SMAD1: variants seen among roughly 807,000 people sequenced by gnomAD.
SMAD1 encodes the protein MAD, mothers against decapentaplegic homolog 1.
SMAD1 carries 6 observed loss-of-function variants against 41.6 expected under a neutral mutation model. The ratio of observed to expected loss-of-function variants is 0.14; its 90% confidence interval spans 0.08 to 0.28. The LOEUF is 0.28. SMAD1 is among the 10% of genes least tolerant of loss of function. The pLI is 1.00. For synonymous variants in SMAD1, 206 were observed against 203.2 expected, an observed-to-expected ratio of 1.01 and a Z score of -0.12; for missense variants, 379 against 582.6, an observed-to-expected ratio of 0.65 and a Z score of 3.60.
intron 2 of SMAD1, among the ~76,000 whole-genome samples, chr4:145,527,921 C>T (rs748288261): frequency 1.3e-5 from 2 of 151,396 alleles, no homozygotes; most frequent in East Asian, 1.9e-4. Flanking sequence ...AGTGCAGTGG[C>T]GCAACCTTGG....
chr4:145,514,270 A>G lies in SMAD1; in HGVS notation c.-176-168A>G, dbSNP rs1730254220. ...AGAGGCTCCATCTCCAAATATAGTC[A>G]TACTGAGAGTTAGGGCTTCCGCATA... On this transcript the variant is annotated intron_variant, in intron 1 of 6. Coordinates refer to ENST00000302085, the MANE Select transcript of SMAD1 (RefSeq NM_005900.3). This position sits in a 1 kb window ranked among gnomAD's most constrained non-coding sequence, Gnocchi z 4.7. Among the ~76,000 whole-genome samples the G allele has an allele frequency of 2.0e-5, 3 of 152,236 alleles. No individual in the cohort carries two copies.
At chr4:145,512,161 T>A (rs1370057015) in intron 1 of SMAD1, among the ~76,000 whole-genome samples, 1 of 152,222 alleles carries the variant, frequency 6.6e-6, no homozygotes, top group Non-Finnish European at 1.5e-5. Context: ...GTAATGTGCC[T>A]TTTTAAAGAG....
intron 2 of SMAD1, among the ~76,000 whole-genome samples, chr4:145,520,976 GCCACT>G (rs1166563375): frequency 6.6e-6 from 1 of 152,122 alleles, no homozygotes; most frequent in Non-Finnish European, 1.5e-5. Context: ...GTTGAAATTT[GCCACT>G]TTGACCATTG....
At chr4:145,538,414 A>AAT (rs1196687078) in intron 2 of SMAD1, among the ~76,000 whole-genome samples, 1 of 152,254 alleles carries the variant, frequency 6.6e-6, no homozygotes, top group Non-Finnish European at 1.5e-5. Context: ...TGAAGGATCA[A>AAT]ATAGGGAAAT....
chr4:145,507,142 A>G (rs1321236006), intron 1 of SMAD1, among the ~76,000 whole-genome samples: 2 of 150,714 alleles, frequency 1.3e-5, no homozygotes, highest in East Asian at 1.9e-4. Context: ...TAGAGTATAG[A>G]TGTGGCTTGA....
intron 1 of SMAD1, among the ~76,000 whole-genome samples, chr4:145,495,616 CTTTTTTTT>C (rs58468364): frequency 7.9e-6 from 1 of 127,070 alleles, no homozygotes; most frequent in Non-Finnish European, 1.7e-5. Flanking sequence ...AATTAATTTC[CTTTTTTTT>C]TTTTTTTTTT....
intron 5 of SMAD1, among the ~76,000 whole-genome samples, chr4:145,549,648 A>C (rs988118487): frequency 3.9e-5 from 6 of 152,216 alleles, no homozygotes; most frequent in African/African-American, 7.2e-5. Flanking sequence ...AAAAGTATGA[A>C]ACAGTGACCT....
At chr4:145,526,249 A>G (rs1400581044) in intron 2 of SMAD1, among the ~76,000 whole-genome samples, 1 of 152,202 alleles carries the variant, frequency 6.6e-6, no homozygotes, top group Non-Finnish European at 1.5e-5. Context: ...AAATAAACAT[A>G]TAAATAACAG....
At chr4:145,522,571 C>G (rs1730804458) in intron 2 of SMAD1, among the ~76,000 whole-genome samples, 1 of 152,082 alleles carries the variant, frequency 6.6e-6, no homozygotes, top group Non-Finnish European at 1.5e-5. Context: ...TGCACTTCAG[C>G]CTGGGCAACA....
intron 1 of SMAD1, among the ~76,000 whole-genome samples, chr4:145,488,019 C>A (rs1426689223): frequency 1.3e-5 from 2 of 152,138 alleles, no homozygotes; most frequent in African/African-American, 4.8e-5. Context: ...AGAGAAGACT[C>A]TCTCTTGAAA....
intron 5 of SMAD1, among the ~76,000 whole-genome samples, chr4:145,549,693 G>C (rs549989778): frequency 6.6e-6 from 1 of 152,102 alleles, no homozygotes; most frequent in South Asian, 2.1e-4. Context: ...CAGATTAAAA[G>C]GTTATTTATT....
rs1437851565 is a variant in SMAD1, at chr4:145,527,285, G to A, written c.400+12272G>A. On this transcript the variant is annotated intron_variant, in intron 2 of 6. Coordinates refer to ENST00000302085, the MANE Select transcript of SMAD1 (RefSeq NM_005900.3). Reference sequence around the variant, plus strand: ...GTCGCCCAGGCTGGAGTGCAGTGGCGGGATCTCGGCTCACTGCGAGCTCCG... The same window carrying A: ...GTCGCCCAGGCTGGAGTGCAGTGGCAGGATCTCGGCTCACTGCGAGCTCCG... Among the ~76,000 whole-genome samples the A allele has an allele frequency of 2.7e-5, 4 of 150,792 alleles. No individual in the cohort carries two copies. In the East Asian group the frequency reaches 5.9e-4, roughly 22 times the overall value.
intron 4 of SMAD1, chr4:145,546,077 A>C (rs947086959): frequency 5.9e-5 from 9 of 152,896 alleles, no homozygotes; most frequent in African/African-American, 2.2e-4. Context: ...GATATGATTC[A>C]TTCTGTAAGA....
At chr4:145,481,368 G>A (rs1475341947), upstream of SMAD1, 1 of 152,136 alleles carries the variant, frequency 6.6e-6, no homozygotes, top group Non-Finnish European at 1.5e-5. Flanking sequence ...GAGGGGCAAC[G>A]AAAGATAGAC....
Position 145,515,134 on chromosome 4 carries a change from C to CTGTGTG in SMAD1, c.400+159_400+164dup, listed in dbSNP as rs377610507. 0.029 allele frequency: 15,573 copies of CTGTGTG among 534,280 alleles called. 187 individuals are homozygous for CTGTGTG. The highest frequency in any genetic ancestry group is 0.044 in the African/African-American group (2,051 of 46,898). 33.1% of individuals were successfully genotyped at this position (534,280 alleles called of 1,614,324 possible). ...TGTAATTTAAAAATATTTGGGGAAA[C>CTGTGTG]TGTGTGTGTGTGTGTGTGTGTGTGT... is the stretch of plus-strand genomic sequence containing the variant. On this transcript the variant is annotated intron_variant, in intron 2 of 6. Coordinates refer to ENST00000302085, the MANE Select transcript of SMAD1 (RefSeq NM_005900.3).
At chr4:145,540,693 A>G (rs1231996786) in intron 3 of SMAD1, among the ~76,000 whole-genome samples, 1 of 151,608 alleles carries the variant, frequency 6.6e-6, no homozygotes, top group Admixed American at 6.6e-5. Flanking sequence ...TAATAAGGAC[A>G]TTATATATTT....
chr4:145,493,692 C>T (rs749156066), intron 1 of SMAD1, among the ~76,000 whole-genome samples: 4 of 152,170 alleles, frequency 2.6e-5, no homozygotes, highest in Non-Finnish European at 4.4e-5. Context: ...GGTGTGTCCT[C>T]ACTGTGGAGT....
At chr4:145,519,088 CT>C (rs771498383) in intron 2 of SMAD1, among the ~76,000 whole-genome samples, 266 of 34,898 alleles carry the variant, frequency 7.6e-3, no homozygotes, top group African/African-American at 0.021. Context: ...GTTTGGTTGG[CT>C]TTTTTTTTTT....
chr4:145,506,823 C>T (rs1729814823), intron 1 of SMAD1, among the ~76,000 whole-genome samples: 1 of 152,054 alleles, frequency 6.6e-6, no homozygotes, highest in Admixed American at 6.6e-5. Context: ...AGAAAATGCC[C>T]ATTTGTTCTG....
Sources: allele counts gnomAD v4.1 joint callset (sites outside exome capture counted in the v4.1 genomes callset), GRCh38; gene constraint gnomAD v4.1.1; non-coding constraint Gnocchi (gnomAD v3.1); transcripts MANE v1.5; gene names NCBI Gene and HGNC (gene_info 2026-07-23, HGNC 2026-07-21).